Variants in FDFT1 observed in about 807,000 individuals in gnomAD.
FDFT1 encodes farnesyl-diphosphate farnesyltransferase 1.
Under a neutral mutation model 46.8 loss-of-function variants are expected in FDFT1, and 68 were observed. That is an observed-to-expected ratio of 1.45 (90% confidence interval 1.19 to 1.78). FDFT1 has a LOEUF of 1.78. Among genes scored for constraint, FDFT1 ranks in the 40% most tolerant of loss-of-function variants. FDFT1 has a pLI of 0.00. For missense variants in FDFT1, 928 were observed against 524.4 expected, an observed-to-expected ratio of 1.77 and a Z score of -7.52; for synonymous variants, 351 against 185.1, an observed-to-expected ratio of 1.90 and a Z score of -7.28.
chr8:11,810,820 T>C (rs986699390), intron 3 of FDFT1, among the ~76,000 whole-genome samples: 5 of 151,704 alleles, frequency 3.3e-5, no homozygotes, highest in Non-Finnish European at 5.9e-5. Context: ...ACAGTCCTTA[T>C]GTTATTGAAA....
At chr8:11,837,964 G>A (rs952851676) in intron 7 of FDFT1, among the ~76,000 whole-genome samples, 3 of 152,292 alleles carry the variant, frequency 2.0e-5, no homozygotes, top group East Asian at 3.9e-4. Context: ...GCTGTGGTCT[G>A]TACTGCGTGT....
chr8:11,831,499 C>A lies in FDFT1; in HGVS notation c.880-19C>A. The A allele has an allele frequency of 6.2e-7, 1 of 1,602,650 alleles. No homozygotes were observed. The highest frequency in any genetic ancestry group is 8.5e-7 in the Non-Finnish European group (1 of 1,173,120). The stretch of plus-strand genomic sequence containing the variant: ...CGACATCATTTCTTCTTTTTTCCCT[C>A]TCTTCTTGTTGTCTCTAGGTGATGG... On this transcript the variant is annotated intron_variant, in intron 6 of 7. Transcript: ENST00000220584.
chr8:11,803,758 C>T (rs143803179), intron 1 of FDFT1: 6 of 186,806 alleles, frequency 3.2e-5, no homozygotes, highest in Admixed American at 1.6e-4. Flanking sequence ...GGTGCCTGAA[C>T]ATCGGAGTCT....
chr8:11,811,649 C>G (rs965143171), intron 3 of FDFT1, among the ~76,000 whole-genome samples: 5 of 152,218 alleles, frequency 3.3e-5, no homozygotes, highest in Admixed American at 6.5e-5. Flanking sequence ...GATGTGAACA[C>G]TGAACTCATC....
intron 3 of FDFT1, 28 bp from the exon 4 acceptor site, chr8:11,821,722 T>C (rs1352906860): frequency 6.2e-7 from 1 of 1,610,686 alleles, no homozygotes; most frequent in Admixed American, 1.7e-5. Context: ...ATTTCATGAT[T>C]TCTGTGTTTT....
At chr8:11,812,552 A>T (rs981268599) in intron 3 of FDFT1, among the ~76,000 whole-genome samples, 3 of 152,234 alleles carry the variant, frequency 2.0e-5, no homozygotes, top group East Asian at 3.8e-4. Context: ...AGGGACTAAG[A>T]ATTCTAAATT....
At chr8:11,833,802 G>C (rs1032102298) in intron 7 of FDFT1, among the ~76,000 whole-genome samples, 8 of 152,200 alleles carry the variant, frequency 5.3e-5, no homozygotes, top group Admixed American at 1.3e-4. Flanking sequence ...TAAGAGGTTT[G>C]CTGACTTCTG....
Position 11,804,929 on chromosome 8 carries a change from G to GC in FDFT1, c.99+1998_99+1999insC, listed in dbSNP as rs937560613. Among the ~76,000 whole-genome samples, 16 of 146,254 alleles carry GC rather than the reference G, an allele frequency of 1.1e-4. 2 individuals carry two copies. Among genetic ancestry groups the GC allele is most frequent in the Non-Finnish European group, 1.7e-4 (11 of 66,456 alleles). ...CGGCCTTTTTTTTTTTTTTTTTGAG[G>GC]GGGGGGTCTCACTCCATCGTCCAGG... On this transcript the variant is annotated intron_variant, in intron 1 of 7. Coordinates refer to ENST00000220584, the MANE Select transcript of FDFT1 (RefSeq NM_004462.5).
Position 11,809,655 on chromosome 8 carries a change from C to G in FDFT1, c.198-12C>G. 1 of 1,579,618 alleles carries G rather than the reference C, an allele frequency of 6.3e-7. No homozygotes were observed. The highest frequency in any genetic ancestry group is 8.6e-7 in the Non-Finnish European group (1 of 1,165,318). ...TTGTTCCAATATATTAATAGTTTTC[C>G]CTTTTTTACAGCAACGCAGTGTGCA... On this transcript the variant is annotated splice_polypyrimidine_tract_variant and intron_variant, in intron 2 of 7. Transcript: ENST00000220584.
At chr8:11,834,511 C>G (rs938725295) in intron 7 of FDFT1, among the ~76,000 whole-genome samples, 6 of 152,192 alleles carry the variant, frequency 3.9e-5, no homozygotes, top group South Asian at 4.1e-4. Context: ...CCCCAGGTGC[C>G]TAGCTGCTCA....
intron 1 of FDFT1, 197 bp from the exon 2 acceptor site, chr8:11,808,596 AG>A (rs2130715085): frequency 1.4e-6 from 2 of 1,388,986 alleles, no homozygotes; most frequent in East Asian, 5.7e-5. Context: ...CGCGGCGCCC[AG>A]GGGCCCGGGC....
At chr8:11,816,406 A>G (rs1012069000) in intron 3 of FDFT1, among the ~76,000 whole-genome samples, 2 of 152,214 alleles carry the variant, frequency 1.3e-5, no homozygotes, top group African/African-American at 4.8e-5. Context: ...TCTGTGAAGA[A>G]AGTCATTGGT....
intron 3 of FDFT1, 74 bp from the exon 4 acceptor site, chr8:11,821,676 G>C: frequency 8.5e-6 from 13 of 1,532,292 alleles, no homozygotes; most frequent in Non-Finnish European, 1.2e-5. Flanking sequence ...TTCCGCCATT[G>C]TTTGCCTTGT....
intron 7 of FDFT1, among the ~76,000 whole-genome samples, chr8:11,832,478 A>T (rs188790438): frequency 1.4e-5 from 2 of 143,042 alleles, no homozygotes; most frequent in Admixed American, 1.5e-4. Flanking sequence ...TGAGCCTGAG[A>T]GGTCGAGGCT....
chr8:11,814,770 C>T (rs368597946), intron 3 of FDFT1, among the ~76,000 whole-genome samples: 1 of 151,874 alleles, frequency 6.6e-6, no homozygotes, highest in East Asian at 1.9e-4. Flanking sequence ...GAGAGAAACT[C>T]TATAGCTTCA....
At chr8:11,798,912 A>G (rs1805829103), upstream of FDFT1, among the ~76,000 whole-genome samples, 1 of 152,240 alleles carries the variant, frequency 6.6e-6, no homozygotes, top group Non-Finnish European at 1.5e-5. Flanking sequence ...TTTCTTCTAA[A>G]GGGTTACAGC....
At chr8:11,814,627 T>G (rs1374374844) in intron 3 of FDFT1, among the ~76,000 whole-genome samples, 1 of 152,224 alleles carries the variant, frequency 6.6e-6, no homozygotes, top group Non-Finnish European at 1.5e-5. Flanking sequence ...AACAAGATAT[T>G]TGGGCAGTAA....
chr8:11,816,452 C>T (rs1002135330), intron 3 of FDFT1, among the ~76,000 whole-genome samples: 4 of 152,134 alleles, frequency 2.6e-5, no homozygotes, highest in Non-Finnish European at 4.4e-5. Context: ...TGTAAATTAC[C>T]TTGGGCAGTA....
At chr8:11,835,872 G>T (rs1811463496) in intron 7 of FDFT1, among the ~76,000 whole-genome samples, 2 of 145,108 alleles carry the variant, frequency 1.4e-5, no homozygotes, top group African/African-American at 5.0e-5. Context: ...GGTGGCTGAT[G>T]CCTCTAATCT....
Sources: allele counts gnomAD v4.1 joint callset (sites outside exome capture counted in the v4.1 genomes callset), GRCh38; gene constraint gnomAD v4.1.1; transcripts MANE v1.5; gene names NCBI Gene and HGNC (gene_info 2026-07-23, HGNC 2026-07-21).